Variants in CDH13 observed in about 807,000 individuals in gnomAD.
CDH13 encodes the protein cadherin-13.
Under a neutral mutation model 63.8 loss-of-function variants are expected in CDH13, and 24 were observed. The observed-to-expected ratio is 0.38, with a 90% confidence interval of 0.27 to 0.53. The LOEUF (loss-of-function observed/expected upper bound fraction) is 0.53, where lower values mean the gene tolerates loss of function less well. CDH13 is among the 20% of genes least tolerant of loss of function. The pLI, the probability that CDH13 is intolerant of heterozygous loss-of-function variation, is 0.85. For synonymous variants in CDH13, 503 were observed against 355.3 expected, an observed-to-expected ratio of 1.42 and a Z score of -4.67; for missense variants, 1,049 against 903.1, an observed-to-expected ratio of 1.16 and a Z score of -2.07.
At chr16:83,091,787 C>G (rs1198169417) in intron 3 of CDH13, among the ~76,000 whole-genome samples, 2 of 152,200 alleles carry the variant, frequency 1.3e-5, no homozygotes, top group African/African-American at 4.8e-5. Flanking sequence ...ATAGCAGTGC[C>G]TGGCACATGG....
At chr16:83,116,300 G>C (rs556466404) in intron 3 of CDH13, among the ~76,000 whole-genome samples, 1 of 152,186 alleles carries the variant, frequency 6.6e-6, no homozygotes, top group South Asian at 2.1e-4. Flanking sequence ...CATACCTCAC[G>C]GGGAGGGAGG....
At chr16:83,107,535 A>T (rs770163681) in intron 3 of CDH13, among the ~76,000 whole-genome samples, 2 of 152,148 alleles carry the variant, frequency 1.3e-5, no homozygotes, top group African/African-American at 2.4e-5. Flanking sequence ...ACACCAGAGG[A>T]AGTAGTTTGC....
At chr16:83,505,693 G>A (rs140207022) in intron 7 of CDH13, among the ~76,000 whole-genome samples, 2 of 151,814 alleles carry the variant, frequency 1.3e-5, no homozygotes, top group East Asian at 1.9e-4. Context: ...ACAGGCATGC[G>A]CCTCCACGCC....
chr16:83,625,196 G>T (rs1015868112), intron 8 of CDH13, among the ~76,000 whole-genome samples: 1 of 152,068 alleles, frequency 6.6e-6, no homozygotes, highest in East Asian at 1.9e-4. Flanking sequence ...GCTCATGTGT[G>T]TGTGTGCATG....
chr16:83,203,847 C>T (rs967080375), intron 4 of CDH13, among the ~76,000 whole-genome samples: 4 of 152,078 alleles, frequency 2.6e-5, no homozygotes, highest in African/African-American at 7.2e-5. Flanking sequence ...TATAGTTCAA[C>T]AGCATCCGAG....
intron 1 of CDH13, among the ~76,000 whole-genome samples, chr16:82,805,654 T>C (rs941943095): frequency 6.6e-6 from 1 of 152,174 alleles, no homozygotes; most frequent in Non-Finnish European, 1.5e-5. Flanking sequence ...TGTAAAAATC[T>C]ACTTTGGAGA....
rs147384034 is a variant in CDH13, at chr16:82,807,995, C to T, written c.46-50367C>T. The stretch of plus-strand genomic sequence containing the variant: ...CGAGAGACAGAATATTCCCCAATTA[C>T]AGTATTTCTCCAGCGCAGTTCTTAC... On this transcript the variant is annotated intron_variant, in intron 1 of 13. Coordinates refer to ENST00000567109, the MANE Select transcript of CDH13 (RefSeq NM_001257.5). Among the ~76,000 whole-genome samples the T allele has an allele frequency of 3.7e-4, 56 of 152,242 alleles. No homozygotes were observed. The East Asian group carries it at 6.6e-3, about 18-fold the overall frequency.
chr16:83,275,696 A>T (rs2088965718), intron 5 of CDH13, among the ~76,000 whole-genome samples: 1 of 152,068 alleles, frequency 6.6e-6, no homozygotes, highest in Non-Finnish European at 1.5e-5. Context: ...GTCACTTGTG[A>T]CTACAGGATT....
chr16:83,085,182 G>A (rs78511630), intron 3 of CDH13, among the ~76,000 whole-genome samples: 19 of 151,768 alleles, frequency 1.3e-4, no homozygotes, highest in African/African-American at 4.4e-4. Flanking sequence ...CATGACAGGG[G>A]GCAAAAGGCA....
At chr16:83,645,581 C>A (rs1482671764) in intron 8 of CDH13, among the ~76,000 whole-genome samples, 1 of 151,756 alleles carries the variant, frequency 6.6e-6, no homozygotes, top group Non-Finnish European at 1.5e-5. Flanking sequence ...AAAGGTACTC[C>A]ATCAGAACAC....
In CDH13 at chr16:83,562,528, A is replaced by G. The variant is rs1024879262; in HGVS notation, c.961-39926A>G. ...TTTCATGAAAGATTGGTAATCACAC[A>G]TAAATCTGCATGAGTAAGAAGAGAC... On this transcript the variant is annotated intron_variant, in intron 7 of 13. Coordinates refer to ENST00000567109, the MANE Select transcript of CDH13 (RefSeq NM_001257.5). Among the ~76,000 whole-genome samples the G allele has an allele frequency of 3.1e-4, 47 of 152,244 alleles. 2 individuals carry two copies. Among genetic ancestry groups the G allele is most frequent in the African/African-American group, 1.1e-3 (47 of 41,474 alleles).
At chr16:82,988,336 T>C (rs957170258) in intron 2 of CDH13, among the ~76,000 whole-genome samples, 6 of 152,150 alleles carry the variant, frequency 3.9e-5, no homozygotes, top group Non-Finnish European at 7.3e-5. Flanking sequence ...TTTTTTTTCT[T>C]GGCAAATCAG....
At chr16:83,275,822 G>T (rs144586660) in intron 5 of CDH13, among the ~76,000 whole-genome samples, 3 of 152,206 alleles carry the variant, frequency 2.0e-5, no homozygotes, top group East Asian at 3.9e-4. Context: ...AGTGGGTAGC[G>T]GTGCAGGGAA....
chr16:82,911,833 G>A (rs1278483062), intron 2 of CDH13, among the ~76,000 whole-genome samples: 1 of 151,900 alleles, frequency 6.6e-6, no homozygotes, highest in Non-Finnish European at 1.5e-5. Flanking sequence ...TTCCCCAAAA[G>A]CCCCGTGAGT....
intron 1 of CDH13, chr16:82,639,498 G>C: frequency 7.1e-7 from 1 of 1,404,770 alleles, no homozygotes; most frequent in South Asian, 1.2e-5. Context: ...CGTGTGGCTG[G>C]ATGGAATTCT....
intron 6 of CDH13, among the ~76,000 whole-genome samples, chr16:83,381,974 C>T (rs1268485080): frequency 6.6e-6 from 1 of 152,192 alleles, no homozygotes; most frequent in African/African-American, 2.4e-5. Context: ...GTTCATCCTC[C>T]ACCTCTGTGG....
chr16:82,949,432 C>G (rs937619973), intron 2 of CDH13, among the ~76,000 whole-genome samples: 5 of 152,314 alleles, frequency 3.3e-5, no homozygotes, highest in Admixed American at 3.3e-4. Flanking sequence ...TGCACAGATT[C>G]TATTCCCAAA....
chr16:83,037,850 T>A (rs1597198032), intron 3 of CDH13, among the ~76,000 whole-genome samples: 1 of 152,080 alleles, frequency 6.6e-6, no homozygotes, highest in South Asian at 2.1e-4. Flanking sequence ...ATCTATCAAA[T>A]AGGGATAAGA....
chr16:82,747,318 G>T (rs529526181), intron 1 of CDH13, among the ~76,000 whole-genome samples: 3 of 152,172 alleles, frequency 2.0e-5, no homozygotes, highest in Admixed American at 6.5e-5. Context: ...GAGTATGCAC[G>T]TTAAAGTTTG....
Sources: gnomAD v4.1 joint callset for allele counts (sites outside exome capture counted in the v4.1 genomes callset) on GRCh38, gnomAD v4.1.1 for gene constraint, MANE v1.5 for transcripts, NCBI Gene and HGNC (gene_info 2026-07-23, HGNC 2026-07-21) for gene names.